Variants in PIK3R6 observed in about 807,000 individuals in gnomAD.
PIK3R6 encodes the protein phosphoinositide 3-kinase regulatory subunit 6.
PIK3R6 carries 91 observed loss-of-function variants against 84.9 expected under a neutral mutation model. The ratio of observed to expected loss-of-function variants is 1.07; its 90% CI spans 0.90 to 1.28. The LOEUF (loss-of-function observed/expected upper bound fraction) is 1.28, where lower values mean the gene tolerates loss of function less well. Ranked by LOEUF, PIK3R6 falls within the 50% of genes most tolerant of loss-of-function variation. The pLI is 0.00. For missense variants in PIK3R6, 996 were observed against 985.1 expected, an observed-to-expected ratio of 1.01 and a Z score of -0.15; for synonymous variants, 416 against 411.4, an observed-to-expected ratio of 1.01 and a Z score of -0.13.
At chr17:8,866,319 C>T (rs536332355) in intron 1 of PIK3R6, among the ~76,000 whole-genome samples, 17 of 152,186 alleles carry the variant, frequency 1.1e-4, no homozygotes, top group Admixed American at 4.6e-4. Context: ...GGGTGGATCA[C>T]GAGGTCAGGA....
chr17:8,861,595 G>T (rs907807140), intron 1 of PIK3R6, among the ~76,000 whole-genome samples: 1 of 152,184 alleles, frequency 6.6e-6, no homozygotes, highest in Non-Finnish European at 1.5e-5. Context: ...TTGTTCAGTG[G>T]GTGTACACAG....
At chr17:8,820,333 G>T (rs1431860313) in intron 17 of PIK3R6, among the ~76,000 whole-genome samples, 1 of 151,618 alleles carries the variant, frequency 6.6e-6, no homozygotes, top group East Asian at 1.9e-4. Context: ...AGAAATGGAA[G>T]GAATATAGTT....
At position 8,821,875 on chromosome 17, in the gene PIK3R6, A is replaced by T; in HGVS notation, c.1850T>A (p.Leu617Gln). The change falls in exon 17 of 20, where the codon CTG becomes CAG. Residue 617 changes from leucine to glutamine, a missense_variant. Transcript: ENST00000619866. Reference protein sequence around the residue: ...TVSLRATGLILKAIPASDTEV... With the variant: ...TVSLRATGLIQKAIPASDTEV... ...TGTGTCGCTGGCTGGAATGGCCTTCAGGATCAGCCCAGTGGCCCGCAGGGA... is the reference window on the plus strand; with the variant it reads ...TGTGTCGCTGGCTGGAATGGCCTTCTGGATCAGCCCAGTGGCCCGCAGGGA... 3.1e-6 allele frequency: 5 copies of T among 1,597,578 alleles called. No homozygotes were observed. The highest frequency in any genetic ancestry group is 4.3e-6 in the Non-Finnish European group (5 of 1,171,968).
chr17:8,857,150 T>C (rs1333970788), intron 1 of PIK3R6, among the ~76,000 whole-genome samples: 1 of 152,022 alleles, frequency 6.6e-6, no homozygotes, highest in Non-Finnish European at 1.5e-5. Flanking sequence ...AGTATGGAAA[T>C]TTTTCCTGTC....
At chr17:8,819,801 GAC>G (rs1314244759) in intron 17 of PIK3R6, among the ~76,000 whole-genome samples, 2 of 142,764 alleles carry the variant, frequency 1.4e-5, no homozygotes, top group African/African-American at 2.6e-5. Flanking sequence ...TGTATATATA[GAC>G]ACACACGTAT....
intron 10 of PIK3R6, 55 bp downstream of exon 10, chr17:8,829,651 C>T: frequency 6.7e-7 from 1 of 1,497,292 alleles, no homozygotes; most frequent in South Asian, 1.2e-5. Context: ...TGCACGCATA[C>T]ACACACAGAC....
chr17:8,843,838 C>T (rs2088752172), intron 2 of PIK3R6, among the ~76,000 whole-genome samples: 1 of 152,076 alleles, frequency 6.6e-6, no homozygotes, highest in Non-Finnish European at 1.5e-5. Flanking sequence ...TGTAGTTCCC[C>T]ATGCCTCGGT....
At chr17:8,833,070 TG>T in intron 8 of PIK3R6, 25 bp from the exon 9 acceptor site, 2 of 1,545,320 alleles carry the variant, frequency 1.3e-6, no homozygotes. Flanking sequence ...CGTCAGAGCC[TG>T]GGTCTTGGCC....
At position 8,839,589 on chromosome 17, in the gene PIK3R6, G is replaced by A. The variant is rs1241081535; in HGVS notation, c.97+25C>T. 6.5e-7 allele frequency: 1 copy of A among 1,546,202 alleles called. No homozygotes were observed. Among genetic ancestry groups the A allele is most frequent in the East Asian group, 2.4e-5 (1 of 41,230 alleles). On this transcript the variant is annotated intron_variant, in intron 3 of 19. Coordinates refer to ENST00000619866, the MANE Select transcript of PIK3R6 (RefSeq NM_001010855.4). The surrounding 1 kb of genome is among the most constrained non-coding windows in gnomAD (Gnocchi z 4.2). ...GGTTGGGTGGAGGTCAGAGGGACCAGCTGCTGCTGCCAGCTGGCTCTTACC... is the reference window on the plus strand; with the variant it reads ...GGTTGGGTGGAGGTCAGAGGGACCAACTGCTGCTGCCAGCTGGCTCTTACC...
chr17:8,815,871 T>C (rs2087519573), intron 18 of PIK3R6, among the ~76,000 whole-genome samples: 1 of 152,230 alleles, frequency 6.6e-6, no homozygotes, highest in Non-Finnish European at 1.5e-5. Flanking sequence ...AATTTTTATC[T>C]ACAAGCCCAT....
In PIK3R6 at chr17:8,828,814, G is replaced by A. The variant is rs368757295; in HGVS notation, c.1066C>T (p.Pro356Ser). ...LPTGADELPA[P>S]GSPEMERAGL... ...GCTCGCTCCATCTCAGGGCTGCCGG[G>A]TGCAGGCAGCTCATCAGCCCCCGTG... Residue 356 changes from proline to serine, a missense_variant, in exon 11 of 20, where the codon CCC becomes TCC. Coordinates refer to ENST00000619866, the MANE Select transcript of PIK3R6 (RefSeq NM_001010855.4). 36 of 1,590,082 alleles carry A rather than the reference G, an allele frequency of 2.3e-5. No individual in the cohort carries two copies. The African/African-American group carries it at 4.8e-4, about 21-fold the overall frequency.
At chr17:8,829,554 A>T (rs1027663044) in intron 10 of PIK3R6, among the ~76,000 whole-genome samples, 152 bp downstream of exon 10, 1 of 150,314 alleles carries the variant, frequency 6.7e-6, no homozygotes, top group African/African-American at 2.5e-5. Flanking sequence ...ACAGACACAC[A>T]CTCATGCACA....
intron 12 of PIK3R6, among the ~76,000 whole-genome samples, chr17:8,827,747 GAGAGAGAGAGAGAGA>G (rs1241231124): frequency 9.5e-5 from 8 of 83,950 alleles, no homozygotes; most frequent in African/African-American, 2.9e-4. Context: ...GAAGGGGAGA[GAGAGAGAGAGAGAGA>G]GGAGAGAGAG....
At chr17:8,856,590 A>T (rs1406288341) in intron 1 of PIK3R6, among the ~76,000 whole-genome samples, 1 of 152,192 alleles carries the variant, frequency 6.6e-6, no homozygotes, top group African/African-American at 2.4e-5. Context: ...TGAAAGAGTG[A>T]AACTCCATCT....
intron 2 of PIK3R6, among the ~76,000 whole-genome samples, chr17:8,841,094 T>C (rs2088664489): frequency 6.6e-6 from 1 of 151,980 alleles, no homozygotes; most frequent in Non-Finnish European, 1.5e-5. Context: ...TGCATGAAGC[T>C]AAAACTTATT....
Position 8,842,035 on chromosome 17 carries a change from T to C in PIK3R6, c.14-2338A>G, listed in dbSNP as rs1180768102. On this transcript the variant is annotated intron_variant, in intron 2 of 19. Coordinates refer to ENST00000619866, the MANE Select transcript of PIK3R6 (RefSeq NM_001010855.4). The surrounding 1 kb of genome is among the most constrained non-coding windows in gnomAD (Gnocchi z 4.5). Reference sequence around the variant, plus strand: ...TAAAAAGAGCCCGGCACCTTCCCCCTCTCTCTTGCTTCATCTCTCAGCATG... The same window carrying C: ...TAAAAAGAGCCCGGCACCTTCCCCCCCTCTCTTGCTTCATCTCTCAGCATG... 2.0e-5 allele frequency among the ~76,000 whole-genome samples: 3 copies of C among 152,044 alleles called. No homozygotes were observed. Among genetic ancestry groups the C allele is most frequent in the Admixed American group, 2.0e-4 (3 of 15,266 alleles).
intron 18 of PIK3R6, among the ~76,000 whole-genome samples, chr17:8,817,135 C>T (rs960434528): frequency 1.5e-4 from 23 of 152,050 alleles, no homozygotes; most frequent in African/African-American, 5.1e-4. Context: ...ATTTACAAGG[C>T]TTTAGTATAT....
In PIK3R6 at chr17:8,837,509, A is replaced by G. The variant is rs2088518910; in HGVS notation, c.258+294T>C. ...TTACTCCTCCTGAGACATTAACCAC[A>G]TGAGTATCATGTCTCTTCTCTGTGT... is the stretch of plus-strand genomic sequence containing the variant. On this transcript the variant is annotated intron_variant, in intron 5 of 19. Coordinates refer to ENST00000619866, the MANE Select transcript of PIK3R6 (RefSeq NM_001010855.4). 2.6e-5 allele frequency among the ~76,000 whole-genome samples: 4 copies of G among 152,186 alleles called. No homozygotes were observed. In the Middle Eastern group the frequency reaches 0.01, roughly 388 times the overall value.
chr17:8,822,011 T>C, intron 16 of PIK3R6, 75 bp from the exon 17 acceptor site: 1 of 1,212,604 alleles, frequency 8.2e-7, no homozygotes, highest in Non-Finnish European at 1.2e-6. Flanking sequence ...ACATCCACAG[T>C]CTTGCCTCTC....
Sources: gnomAD v4.1 joint callset for allele counts (sites outside exome capture counted in the v4.1 genomes callset) on GRCh38, gnomAD v4.1.1 for gene constraint, Gnocchi (gnomAD v3.1) non-coding constraint, MANE v1.5 for transcripts, NCBI Gene and HGNC (gene_info 2026-07-23, HGNC 2026-07-21) for gene names.